PPP2R2B: variants seen among roughly 807,000 people sequenced by gnomAD.
PPP2R2B encodes the protein serine/threonine-protein phosphatase 2A 55 kDa regulatory subunit B beta isoform.
In PPP2R2B, 5 loss-of-function variants were observed where a neutral mutation model predicts 46.0. That is an observed-to-expected ratio of 0.11 (90% CI 0.06 to 0.23). PPP2R2B has a LOEUF of 0.23. Among genes scored for constraint, PPP2R2B ranks in the 10% least tolerant of loss-of-function variants. PPP2R2B has a pLI of 1.00. For synonymous variants in PPP2R2B, 215 were observed against 206.7 expected, an observed-to-expected ratio of 1.04 and a Z score of -0.34; for missense variants, 367 against 575.0, an observed-to-expected ratio of 0.64 and a Z score of 3.70.
At chr5:146,882,812 C>T (rs907111211), upstream of PPP2R2B, among the ~76,000 whole-genome samples, 1 of 152,214 alleles carries the variant, frequency 6.6e-6, no homozygotes, top group Non-Finnish European at 1.5e-5. Context: ...AAGGGGGCAG[C>T]AGAGGGAACT....
intron 1 of PPP2R2B, among the ~76,000 whole-genome samples, chr5:146,986,425 C>T (rs1247560495): frequency 6.6e-6 from 1 of 152,162 alleles, no homozygotes; most frequent in Non-Finnish European, 1.5e-5. Flanking sequence ...TTGGCTGACT[C>T]AAGTGTCCTC....
At chr5:146,830,469 G>C (rs1259677300) in intron 2 of PPP2R2B, among the ~76,000 whole-genome samples, 1 of 151,712 alleles carries the variant, frequency 6.6e-6, no homozygotes, top group Non-Finnish European at 1.5e-5. Flanking sequence ...CCTGCATCTT[G>C]GTTAGCCACC....
At chr5:146,627,902 C>T (rs1454338759) in intron 7 of PPP2R2B, among the ~76,000 whole-genome samples, 1 of 152,122 alleles carries the variant, frequency 6.6e-6, no homozygotes, top group Non-Finnish European at 1.5e-5. Flanking sequence ...CTCATTGGAA[C>T]TCGGGCTGTT....
At chr5:146,688,907 G>T (rs945123448) in intron 5 of PPP2R2B, among the ~76,000 whole-genome samples, 10 of 152,104 alleles carry the variant, frequency 6.6e-5, no homozygotes, top group African/African-American at 2.4e-4. Context: ...ACTTAATCCA[G>T]TTGTTTTCTC....
intron 1 of PPP2R2B, among the ~76,000 whole-genome samples, chr5:146,955,056 CTCAG>C (rs1751822763): frequency 6.6e-6 from 1 of 152,066 alleles, no homozygotes; most frequent in Non-Finnish European, 1.5e-5. Context: ...AGATAATAGA[CTCAG>C]TCAGGTTGAA....
intron 2 of PPP2R2B, among the ~76,000 whole-genome samples, chr5:146,811,594 T>C: frequency 7.6e-6 from 1 of 131,680 alleles, no homozygotes; most frequent in East Asian, 2.3e-4. Flanking sequence ...GGAATCTCAC[T>C]CTGTTGCCCA....
At chr5:146,835,826 T>C (rs570355651) in intron 2 of PPP2R2B, among the ~76,000 whole-genome samples, 1 of 152,272 alleles carries the variant, frequency 6.6e-6, no homozygotes, top group African/African-American at 2.4e-5. Context: ...AACCAGAAAC[T>C]ACTTTATTGT....
intron 1 of PPP2R2B, among the ~76,000 whole-genome samples, chr5:146,999,074 A>G (rs1484533348): frequency 1.3e-5 from 2 of 150,706 alleles, no homozygotes; most frequent in African/African-American, 4.9e-5. Context: ...TTCCTGTGCA[A>G]TTCTTCAGGC....
intron 2 of PPP2R2B, among the ~76,000 whole-genome samples, chr5:146,826,513 C>T (rs1266389047): frequency 6.6e-6 from 1 of 152,106 alleles, no homozygotes; most frequent in Non-Finnish European, 1.5e-5. Context: ...CATGATGTAA[C>T]AAACCAGAGG....
At chr5:146,623,912 C>CATAAT (rs1303081179) in intron 7 of PPP2R2B, among the ~76,000 whole-genome samples, 1 of 152,144 alleles carries the variant, frequency 6.6e-6, no homozygotes, top group Non-Finnish European at 1.5e-5. Flanking sequence ...ACCTACTGAG[C>CATAAT]TGTCAAAATA....
intron 2 of PPP2R2B, among the ~76,000 whole-genome samples, chr5:146,765,884 G>A (rs1305545011): frequency 6.6e-6 from 1 of 152,132 alleles, no homozygotes; most frequent in Admixed American, 6.5e-5. Context: ...ACTGGATCAC[G>A]ATTTCTCATG....
At chr5:147,010,801 C>A (rs771817377) in intron 1 of PPP2R2B, among the ~76,000 whole-genome samples, 13 of 152,120 alleles carry the variant, frequency 8.5e-5, no homozygotes, top group Non-Finnish European at 1.9e-4. Flanking sequence ...ATGTGTCTCA[C>A]ACTTACTCCA....
intron 5 of PPP2R2B, among the ~76,000 whole-genome samples, chr5:146,654,706 G>A (rs1035241771): frequency 1.3e-5 from 2 of 152,154 alleles, no homozygotes; most frequent in Admixed American, 1.3e-4. Context: ...AGTAGCCAGG[G>A]TAGTTCTTGA....
intron 2 of PPP2R2B, among the ~76,000 whole-genome samples, chr5:146,842,655 T>A (rs1339639770): frequency 6.6e-6 from 1 of 152,058 alleles, no homozygotes; most frequent in Non-Finnish European, 1.5e-5. Flanking sequence ...TCTCCTCCTC[T>A]GGTAGGCCCC....
chr5:147,063,807 C>T (rs983209005), intron 2 of PPP2R2B, among the ~76,000 whole-genome samples: 5 of 152,174 alleles, frequency 3.3e-5, no homozygotes, highest in Non-Finnish European at 4.4e-5. Context: ...TTGAAAGGAA[C>T]GCAGCACATG....
chr5:146,808,876 C>T (rs550471489), intron 2 of PPP2R2B, among the ~76,000 whole-genome samples: 243 of 152,104 alleles, frequency 1.6e-3, no homozygotes, highest in African/African-American at 5.6e-3. Context: ...TAGGACAGAC[C>T]GTCTGCAGGT....
At chr5:146,647,384 T>C (rs1009742421) in intron 6 of PPP2R2B, among the ~76,000 whole-genome samples, 2 of 152,268 alleles carry the variant, frequency 1.3e-5, no homozygotes, top group East Asian at 3.9e-4. Context: ...TCTGAGACTG[T>C]TTTGAAAGAT....
chr5:146,695,851 A>T (rs1303513667), intron 4 of PPP2R2B, among the ~76,000 whole-genome samples: 2 of 152,164 alleles, frequency 1.3e-5, no homozygotes, highest in African/African-American at 4.8e-5. Context: ...TATTTGGCCT[A>T]AGGGGGATTC....
intron 2 of PPP2R2B, among the ~76,000 whole-genome samples, chr5:147,072,574 A>G (rs1757632807): frequency 6.6e-6 from 1 of 152,110 alleles, no homozygotes; most frequent in Non-Finnish European, 1.5e-5. Context: ...AATTTCCTCC[A>G]CCGTAAAATG....
Sources: gnomAD v4.1 joint callset for allele counts (sites outside exome capture counted in the v4.1 genomes callset) on GRCh38, gnomAD v4.1.1 for gene constraint, MANE v1.5 for transcripts, NCBI Gene and HGNC (gene_info 2026-07-23, HGNC 2026-07-21) for gene names.